Variants in CNGA1 observed in about 807,000 individuals in gnomAD.
CNGA1 encodes cyclic nucleotide-gated channel alpha-1.
In CNGA1, 53 loss-of-function variants were observed where a neutral mutation model predicts 69.7. The observed-to-expected ratio is 0.76, with a 90% CI of 0.61 to 0.96. The LOEUF (loss-of-function observed/expected upper bound fraction) is 0.96. CNGA1 is among the 40% of genes least tolerant of loss of function. CNGA1 has a pLI of 0.00. For missense variants in CNGA1, 739 were observed against 811.2 expected, an observed-to-expected ratio of 0.91 and a Z score of 1.08; for synonymous variants, 249 against 283.5, an observed-to-expected ratio of 0.88 and a Z score of 1.22.
chr4:47,936,953 C>T lies in CNGA1; in HGVS notation c.1529G>A (p.Arg510Gln), dbSNP rs767503938. 9.3e-6 allele frequency: 15 copies of T among 1,613,882 alleles called. No individual in the cohort carries two copies. The highest frequency in any genetic ancestry group is 1.2e-5 in the Non-Finnish European group (14 of 1,179,890). Reference protein sequence around the residue: ...DYICKKGDIGREMYIIKEGKL... With the variant: ...DYICKKGDIGQEMYIIKEGKL... ...GCCTTCCTTGATAATGTACATCTCT[C>T]GTCCGATATCCCCTTTCTTGCAAAT... Residue 510 changes from arginine to glutamine, a missense_variant, in exon 11 of 11, where the codon CGA becomes CAA. Coordinates refer to ENST00000514170, the MANE Select transcript of CNGA1 (RefSeq NM_001379270.1).
In CNGA1 at chr4:47,937,539, A is replaced by G. The variant is rs914018863; in HGVS notation, c.943T>C (p.Tyr315His). ...AATCCAATAGCTTTAGAAATAGAGT[A>G]GAACACACATGCATTCCAGTGGATA... ...IIIHWNACVF[Y>H]SISKAIGFGN... The change falls in exon 11 of 11, where the codon TAC becomes CAC. Residue 315 changes from tyrosine to histidine, a missense_variant. Physicochemically the swap from Tyr to His is moderately conservative, Grantham distance 83 (BLOSUM62 2). Coordinates refer to ENST00000514170, the MANE Select transcript of CNGA1 (RefSeq NM_001379270.1). 3 of 1,614,104 alleles carry G rather than the reference A, an allele frequency of 1.9e-6. No individual in the cohort carries two copies. The highest frequency in any genetic ancestry group is 2.5e-6 in the Non-Finnish European group (3 of 1,180,040).
chr4:47,992,186 T>C (rs1369995901), intron 2 of CNGA1, among the ~76,000 whole-genome samples: 1 of 152,132 alleles, frequency 6.6e-6, no homozygotes, highest in East Asian at 1.9e-4. Flanking sequence ...TAGAATTTTT[T>C]TATAGTTCTA....
At chr4:47,992,657 A>ATTATTTATTTAT (rs144346141) in intron 2 of CNGA1, among the ~76,000 whole-genome samples, 6,713 of 145,278 alleles carry the variant, frequency 0.046, 193 homozygotes, top group South Asian at 0.067. Context: ...GATGCCATTT[A>ATTATTTATTTAT]TTATTTATTT....
intron 5 of CNGA1, 70 bp from the exon 6 acceptor site, chr4:47,949,965 G>T: frequency 6.9e-7 from 1 of 1,444,780 alleles, no homozygotes; most frequent in Non-Finnish European, 9.7e-7. Context: ...GTAGGCAAAT[G>T]GTCTGAAAAA....
At chr4:48,004,355 G>A (rs938799278) in intron 2 of CNGA1, among the ~76,000 whole-genome samples, 3 of 152,146 alleles carry the variant, frequency 2.0e-5, no homozygotes, top group African/African-American at 7.2e-5. Context: ...TGGTCCCCCA[G>A]GCCCAGCTGT....
chr4:48,005,281 C>G (rs1429614803), intron 2 of CNGA1, among the ~76,000 whole-genome samples: 1 of 152,004 alleles, frequency 6.6e-6, no homozygotes, highest in Admixed American at 6.6e-5. Flanking sequence ...CCACGCCTGG[C>G]TAATTTTTGT....
intron 1 of CNGA1, among the ~76,000 whole-genome samples, chr4:48,013,255 G>T (rs571293366): frequency 6.6e-6 from 1 of 152,120 alleles, no homozygotes; most frequent in South Asian, 2.1e-4. Flanking sequence ...ATCCCTCTGT[G>T]GTTACCAAAA....
chr4:47,971,702 T>C (rs928387186), intron 3 of CNGA1, among the ~76,000 whole-genome samples: 5 of 152,198 alleles, frequency 3.3e-5, no homozygotes, highest in African/African-American at 1.2e-4. Flanking sequence ...CAGATCAGCC[T>C]GGCCAACATG....
At chr4:48,009,575 G>A (rs1370287478) in intron 2 of CNGA1, among the ~76,000 whole-genome samples, 1 of 152,052 alleles carries the variant, frequency 6.6e-6, no homozygotes, top group African/African-American at 2.4e-5. Flanking sequence ...AGGCCAAGGT[G>A]GGCAGATCAC....
At chr4:47,950,255 C>T (rs1049752918) in intron 5 of CNGA1, among the ~76,000 whole-genome samples, 1 of 152,134 alleles carries the variant, frequency 6.6e-6, no homozygotes, top group Non-Finnish European at 1.5e-5. Context: ...ATGCCATTCT[C>T]GTGCTAGTAA....
At chr4:47,938,023 A>C (rs1353906206) in intron 10 of CNGA1, among the ~76,000 whole-genome samples, 194 bp from the exon 11 acceptor site, 1 of 152,072 alleles carries the variant, frequency 6.6e-6, no homozygotes, top group Admixed American at 6.5e-5. Flanking sequence ...TAGAAATAAA[A>C]GGTAAAATTT....
chr4:48,003,678 C>G (rs1413421531), intron 2 of CNGA1, among the ~76,000 whole-genome samples: 1 of 152,046 alleles, frequency 6.6e-6, no homozygotes, highest in Non-Finnish European at 1.5e-5. Context: ...AAAACCAGGC[C>G]ATACAGAGAT....
At chr4:47,982,176 T>G (rs1741747682) in intron 2 of CNGA1, among the ~76,000 whole-genome samples, 1 of 152,234 alleles carries the variant, frequency 6.6e-6, no homozygotes, top group Non-Finnish European at 1.5e-5. Flanking sequence ...GGCTACATAC[T>G]CACAAAACTT....
intron 3 of CNGA1, among the ~76,000 whole-genome samples, chr4:47,977,840 T>TC (rs1741494231): frequency 6.6e-6 from 1 of 151,944 alleles, no homozygotes; most frequent in Non-Finnish European, 1.5e-5. Flanking sequence ...TTTTTTTTTT[T>TC]CTTGAGACAG....
chr4:48,007,588 G>A (rs1327948440), intron 2 of CNGA1, among the ~76,000 whole-genome samples: 1 of 152,030 alleles, frequency 6.6e-6, no homozygotes, highest in Non-Finnish European at 1.5e-5. Context: ...TTTAGACCCA[G>A]GAGTCAAAGC....
chr4:48,009,876 C>G (rs1715075786), intron 2 of CNGA1, among the ~76,000 whole-genome samples: 1 of 152,128 alleles, frequency 6.6e-6, no homozygotes, highest in African/African-American at 2.4e-5. Context: ...TTAAGTGCTT[C>G]TATTTTTCTT....
intron 3 of CNGA1, among the ~76,000 whole-genome samples, chr4:47,964,516 T>G (rs1240650961): frequency 6.6e-6 from 1 of 152,052 alleles, no homozygotes; most frequent in Non-Finnish European, 1.5e-5. Context: ...TTATAATTAT[T>G]TATAAATATT....
chr4:47,971,319 C>A (rs1276517837), intron 3 of CNGA1, among the ~76,000 whole-genome samples: 1 of 151,762 alleles, frequency 6.6e-6, no homozygotes, highest in Non-Finnish European at 1.5e-5. Flanking sequence ...GGGAAAATAT[C>A]TTTCACTGTA....
In CNGA1 at chr4:47,942,359, G is replaced by GT. The variant is rs201657712; in HGVS notation, c.438-212dup. 8.9e-3 allele frequency among the ~76,000 whole-genome samples: 1,098 copies of GT among 123,306 alleles called. 4 individuals carry two copies. The highest frequency in any genetic ancestry group is 0.019 in the South Asian group (68 of 3,630). 80.9% of individuals were successfully genotyped at this position (123,306 alleles called of 152,430 possible). On this transcript the variant is annotated intron_variant, in intron 8 of 10. Transcript: ENST00000514170. The stretch of plus-strand genomic sequence containing the variant: ...GGGTGGATAGATAACAAAACTACCA[G>GT]TTTTTTTTTTTTTTTTTTTTTTGAG...
Sources: allele counts gnomAD v4.1 joint callset (sites outside exome capture counted in the v4.1 genomes callset), GRCh38; gene constraint gnomAD v4.1.1; transcripts MANE v1.5; gene names NCBI Gene and HGNC (gene_info 2026-07-23, HGNC 2026-07-21).